The following TMC1 variants were observed in gnomAD, a reference collection of about 807,000 sequenced individuals.
TMC1 encodes the protein transmembrane channel-like protein 1.
Under a neutral mutation model 105.8 loss-of-function variants are expected in TMC1, and 84 were observed. The ratio of observed to expected loss-of-function variants is 0.79; its 90% CI spans 0.67 to 0.95. The LOEUF (loss-of-function observed/expected upper bound fraction) is 0.95. Ranked by LOEUF, TMC1 falls within the 40% of genes least tolerant of loss-of-function variation. TMC1 has a pLI of 0.00. For missense variants in TMC1, 817 were observed against 914.1 expected (o/e 0.89, Z 1.37); for synonymous variants, 315 against 311.5 (o/e 1.01, Z -0.12).
intron 7 of TMC1, among the ~76,000 whole-genome samples, chr9:72,696,256 T>C (rs1826548719): frequency 6.6e-6 from 1 of 152,200 alleles, no homozygotes; most frequent in South Asian, 2.1e-4. Flanking sequence ...GCTATGACAG[T>C]GTCTCTTCCT....
At chr9:72,696,968 G>A (rs1826561705) in intron 7 of TMC1, among the ~76,000 whole-genome samples, 1 of 152,134 alleles carries the variant, frequency 6.6e-6, no homozygotes, top group Admixed American at 6.6e-5. Flanking sequence ...TTCCTGTAAT[G>A]CTGATTAGAA....
chr9:72,750,367 G>C (rs560684431), intron 10 of TMC1, among the ~76,000 whole-genome samples: 1 of 152,214 alleles, frequency 6.6e-6, no homozygotes, highest in Non-Finnish European at 1.5e-5. Context: ...GAAGGTGTTT[G>C]TTGTTTTTTC....
chr9:72,676,818 T>C (rs1028647231), intron 5 of TMC1, among the ~76,000 whole-genome samples: 3 of 152,132 alleles, frequency 2.0e-5, no homozygotes, highest in South Asian at 4.1e-4. Flanking sequence ...CTTGAAGAAA[T>C]TGAGATTTCA....
chr9:72,547,186 A>G (rs1823784214), intron 1 of TMC1, among the ~76,000 whole-genome samples: 1 of 151,048 alleles, frequency 6.6e-6, no homozygotes, highest in African/African-American at 2.4e-5. Context: ...ACTCAGGAGG[A>G]TGAGGCAGGA....
chr9:72,663,334 C>A (rs1005056855), intron 5 of TMC1, among the ~76,000 whole-genome samples: 3 of 152,124 alleles, frequency 2.0e-5, no homozygotes, highest in African/African-American at 7.2e-5. Flanking sequence ...AAAGACATCT[C>A]AAAAGACCAA....
At position 72,608,302 on chromosome 9, in the gene TMC1, T is replaced by G. The variant is rs928170880; in HGVS notation, c.-305-8066T>G. Among the ~76,000 whole-genome samples the G allele has an allele frequency of 5.3e-5, 8 of 152,244 alleles. No homozygotes were observed. In the South Asian group the frequency reaches 6.2e-4, roughly 12 times the overall value. Reference sequence around the variant, plus strand: ...TATCATGTCCAGGATATGAAACGGCTGCTTGGATCCAGGCACACTGATAAC... The same window carrying G: ...TATCATGTCCAGGATATGAAACGGCGGCTTGGATCCAGGCACACTGATAAC... On this transcript the variant is annotated intron_variant, in intron 2 of 23. Coordinates refer to ENST00000297784, the MANE Select transcript of TMC1 (RefSeq NM_138691.3).
chr9:72,793,628 A>G (rs1053344129), intron 17 of TMC1, among the ~76,000 whole-genome samples: 2 of 152,132 alleles, frequency 1.3e-5, no homozygotes, highest in South Asian at 2.1e-4. Flanking sequence ...GGGTCTGTAC[A>G]TTTCTGGGAT....
At chr9:72,700,352 C>T (rs1018037040) in intron 7 of TMC1, among the ~76,000 whole-genome samples, 166 bp from the exon 8 acceptor site, 4 of 151,916 alleles carry the variant, frequency 2.6e-5, no homozygotes, top group African/African-American at 9.7e-5. Flanking sequence ...TCCAGTAATC[C>T]TGCATCAGTG....
chr9:72,619,635 AAT>A (rs898625602), intron 3 of TMC1, among the ~76,000 whole-genome samples: 1 of 151,842 alleles, frequency 6.6e-6, no homozygotes, highest in Non-Finnish European at 1.5e-5. Flanking sequence ...TTTAATACAA[AAT>A]ATGTTATTTA....
chr9:72,652,346 G>C (rs2132153569), intron 5 of TMC1, among the ~76,000 whole-genome samples: 1 of 152,312 alleles, frequency 6.6e-6, no homozygotes, highest in East Asian at 1.9e-4. Flanking sequence ...GTCATTATCT[G>C]TGAGTTAAAG....
chr9:72,591,115 G>A (rs933595246), intron 2 of TMC1, among the ~76,000 whole-genome samples: 5 of 152,148 alleles, frequency 3.3e-5, no homozygotes, highest in Non-Finnish European at 7.3e-5. Flanking sequence ...AGATGGGAGG[G>A]GTGCGTGGCT....
At chr9:72,582,862 T>C (rs2132100101) in intron 2 of TMC1, among the ~76,000 whole-genome samples, 1 of 152,334 alleles carries the variant, frequency 6.6e-6, no homozygotes, top group South Asian at 2.1e-4. Flanking sequence ...ATTGAGTCAG[T>C]GATCTAAATT....
At chr9:72,767,213 A>C (rs1370091376) in intron 12 of TMC1, among the ~76,000 whole-genome samples, 1 of 152,220 alleles carries the variant, frequency 6.6e-6, no homozygotes, top group Non-Finnish European at 1.5e-5. Context: ...TACCCTCAGC[A>C]GATATGCTTA....
intron 17 of TMC1, among the ~76,000 whole-genome samples, chr9:72,803,208 A>G (rs1828507115): frequency 6.6e-6 from 1 of 152,174 alleles, no homozygotes; most frequent in South Asian, 2.1e-4. Flanking sequence ...GACCCCGTCT[A>G]TACACCTTAT....
At chr9:72,692,050 C>G (rs1826473573) in intron 6 of TMC1, among the ~76,000 whole-genome samples, 1 of 152,186 alleles carries the variant, frequency 6.6e-6, no homozygotes, top group Non-Finnish European at 1.5e-5. Flanking sequence ...AACTGTTTTT[C>G]TCCCCAGAGA....
At chr9:72,685,100 CTTTTTTT>C (rs71359515) in intron 5 of TMC1, among the ~76,000 whole-genome samples, 2 of 91,064 alleles carry the variant, frequency 2.2e-5, no homozygotes, top group Non-Finnish European at 2.0e-5. Context: ...TAAAGTCATT[CTTTTTTT>C]TTTTTTTTTT....
intron 8 of TMC1, among the ~76,000 whole-genome samples, chr9:72,729,032 G>A (rs1827165075): frequency 6.6e-6 from 1 of 152,002 alleles, no homozygotes; most frequent in East Asian, 1.9e-4. Context: ...ATGAAAATTA[G>A]CATTGGTTTA....
chr9:72,699,186 T>G (rs567642765), intron 7 of TMC1, among the ~76,000 whole-genome samples: 2 of 152,308 alleles, frequency 1.3e-5, no homozygotes, highest in South Asian at 4.1e-4. Flanking sequence ...AAAATTATGT[T>G]GCTCTTGTTT....
chr9:72,644,569 T>A (rs1209552989), intron 4 of TMC1, among the ~76,000 whole-genome samples: 6 of 152,180 alleles, frequency 3.9e-5, no homozygotes, highest in African/African-American at 1.4e-4. Context: ...TGCCTATATA[T>A]GTGTGAGTCT....
Sources: allele counts gnomAD v4.1 joint callset (sites outside exome capture counted in the v4.1 genomes callset), GRCh38; gene constraint gnomAD v4.1.1; transcripts MANE v1.5; gene names NCBI Gene and HGNC (gene_info 2026-07-23, HGNC 2026-07-21).